The following FUS variants were observed in gnomAD, a reference collection of about 807,000 sequenced individuals.
The protein encoded by FUS is FUS RNA binding protein, also known as RNA-binding protein FUS.
A neutral mutation model predicts 82.7 loss-of-function variants in FUS; 5 were observed. The ratio of observed to expected loss-of-function variants is 0.06; its 90% CI spans 0.03 to 0.13. The LOEUF (loss-of-function observed/expected upper bound fraction) is 0.13, where lower values mean the gene tolerates loss of function less well. Among genes scored for constraint, FUS ranks in the 10% least tolerant of loss-of-function variants. FUS has a pLI of 1.00. For missense variants in FUS, 512 were observed against 707.8 expected, an observed-to-expected ratio of 0.72 and a Z score of 3.14; for synonymous variants, 281 against 247.4, an observed-to-expected ratio of 1.14 and a Z score of -1.27.
At chr16:31,182,479 G>A in intron 2 of FUS, 34 bp from the exon 3 acceptor site, 1 of 1,614,164 alleles carries the variant, frequency 6.2e-7, no homozygotes, top group Non-Finnish European at 8.5e-7. Flanking sequence ...GTCACGCCAT[G>A]TTTTCTGATC....
chr16:31,188,883 C>T (rs193153381), intron 8 of FUS: 4 of 552,908 alleles, frequency 7.2e-6, no homozygotes, highest in Non-Finnish European at 9.7e-6. Context: ...ACTCCTGAGC[C>T]CTGGTTTCCA....
At chr16:31,193,341 T>A (rs774175056), downstream of FUS, 20 of 524,240 alleles carry the variant, frequency 3.8e-5, no homozygotes, top group Non-Finnish European at 2.6e-5. Context: ...CAGGCATTGC[T>A]TTGACTTAGT....
At position 31,188,540 on chromosome 16, in the gene FUS, G is replaced by C. The variant is rs941744534; in HGVS notation, c.832+183G>C. 7 of 703,190 alleles carry C rather than the reference G, an allele frequency of 1.0e-5. No individual in the cohort carries two copies. In the East Asian group the frequency reaches 1.5e-4, roughly 15 times the overall value. 43.6% of individuals were successfully genotyped at this position (703,190 alleles called of 1,614,324 possible). ...TACGAAGTATTTCTCAGAAATACCT[G>C]GCTTGTGGGTTCCACCCCCAGTGAT... On this transcript the variant is annotated intron_variant, in intron 8 of 14. Transcript: ENST00000254108.
Position 31,184,230 on chromosome 16 carries a change from C to T in FUS, c.357C>T (p.Ser119=), listed in dbSNP as rs1367078201. The change falls in exon 5 of 15, where the codon AGC becomes AGT. Residue 119 remains serine (S), a synonymous_variant. Coordinates refer to ENST00000254108, the MANE Select transcript of FUS (RefSeq NM_004960.4). ...CTAGTTACGGTAGCAGTTCTCAGAG[C>T]AGCAGCTATGGGCAGCCCCAGAGTG... The part of the protein sequence containing the change: ...TSGSYGSSSQ[S]SSYGQPQSGS... The T allele has an allele frequency of 3.1e-6, 5 of 1,614,120 alleles. No homozygotes were observed. Among genetic ancestry groups the T allele is most frequent in the East Asian group, 2.2e-5 (1 of 44,882 alleles).
chr16:31,182,692 TC>T, intron 3 of FUS, 28 bp downstream of exon 3: 1 of 1,613,906 alleles, frequency 6.2e-7, no homozygotes, highest in Non-Finnish European at 8.5e-7. Flanking sequence ...GGTCACCTCT[TC>T]CTACTCTTTC....
At chr16:31,185,602 C>T (rs969438828) in intron 6 of FUS, 7 of 512,348 alleles carry the variant, frequency 1.4e-5, no homozygotes, top group Non-Finnish European at 2.3e-5. Flanking sequence ...TAATGGTTAA[C>T]CTGACTTCAG....
rs754311161 is a variant in FUS, at chr16:31,180,240, G to A, written c.13+13G>A. 2 of 1,608,956 alleles carry A rather than the reference G, an allele frequency of 1.2e-6. No individual in the cohort carries two copies. Among genetic ancestry groups the A allele is most frequent in the Non-Finnish European group, 1.7e-6 (2 of 1,177,838 alleles). ...ATGGCCTCAAACGGTAGGTAAGGGC[G>A]CGAGGCGACGGCGGCGGCGCACCCG... On this transcript the variant is annotated intron_variant, in intron 1 of 14. Transcript: ENST00000254108.
chr16:31,186,861 TC>T (rs894330365), intron 7 of FUS, 25 bp downstream of exon 7: 3 of 1,602,058 alleles, frequency 1.9e-6, no homozygotes, highest in Admixed American at 1.7e-5. Flanking sequence ...TTTCCAAAAT[TC>T]CCAACTCCCA....
rs2079346689 is a variant in FUS, at chr16:31,190,947, GT to G, written c.1394-13del. ...GGGGAATGGGAATATGATAGATCTT[GT>G]TTCTTTTGTCCTAGGGGGTAACTAC... is the stretch of plus-strand genomic sequence containing the variant. On this transcript the variant is annotated splice_polypyrimidine_tract_variant and intron_variant, in intron 13 of 14. Coordinates refer to ENST00000254108, the MANE Select transcript of FUS (RefSeq NM_004960.4). The G allele has an allele frequency of 5.6e-6, 9 of 1,610,706 alleles. No homozygotes were observed. Among genetic ancestry groups the G allele is most frequent in the Non-Finnish European group, 6.8e-6 (8 of 1,177,596 alleles).
rs917585810 is a variant in FUS at position 31,184,431 on chromosome 16, T to C, written c.523+35T>C. On this transcript the variant is annotated intron_variant, in intron 5 of 14. Transcript: ENST00000254108. ...CTTCAGCTTTGTCTGCAGCCCATTT[T>C]CTTTTTCTTTTTTTTTTTTTTTTTG... 3 of 1,559,968 alleles carry C rather than the reference T, an allele frequency of 1.9e-6. No individual in the cohort carries two copies. In the African/African-American group the frequency reaches 4.2e-5, roughly 22 times the overall value.
At chr16:31,180,630 T>G (rs1053877234) in intron 1 of FUS, among the ~76,000 whole-genome samples, 2 of 152,052 alleles carry the variant, frequency 1.3e-5, no homozygotes, top group South Asian at 2.1e-4. Flanking sequence ...TGCGGGCCCC[T>G]CCCCCTTCGC....
intron 1 of FUS, among the ~76,000 whole-genome samples, chr16:31,182,045 A>G (rs2079187037): frequency 6.6e-6 from 1 of 151,462 alleles, no homozygotes; most frequent in African/African-American, 2.4e-5. Context: ...CTCTGTTGCC[A>G]GGCTGGAGTG....
Position 31,183,923 on chromosome 16 carries a change from A to G in FUS, c.256A>G (p.Ser86Gly). ...GSTGGYGSSQ[S>G]SQSSYGQQSS... The stretch of plus-strand genomic sequence containing the variant: ...GACTGGCGGCTATGGCAGTAGCCAG[A>G]GCTCCCAATCGTCTTACGGGCAGCA... The change falls in exon 4 of 15, where the codon AGC becomes GGC. Residue 86 changes from serine to glycine, a missense_variant. Around this residue, in one of 6 missense-constraint regions of FUS, gnomAD observed 276 missense variants for 303.3 expected, o/e 0.91. Transcript: ENST00000254108. 1 of 1,613,834 alleles carries G rather than the reference A, an allele frequency of 6.2e-7. No individual in the cohort carries two copies. Among genetic ancestry groups the G allele is most frequent in the Non-Finnish European group, 8.5e-7 (1 of 1,179,782 alleles).
At chr16:31,187,913 A>C in intron 7 of FUS, 1 of 272,452 alleles carries the variant, frequency 3.7e-6, no homozygotes. Context: ...GTTGGGAGAA[A>C]CTGGATGGAT....
At position 31,188,241 on chromosome 16, in the gene FUS, T is replaced by A. The variant is rs2144126488; in HGVS notation, c.800-84T>A. The A allele has an allele frequency of 2.8e-6, 4 of 1,440,764 alleles. No homozygotes were observed. The East Asian group carries it at 9.1e-5, about 33-fold the overall frequency. 89.2% of individuals were successfully genotyped at this position (1,440,764 alleles called of 1,614,324 possible). On this transcript the variant is annotated intron_variant, in intron 7 of 14. Transcript: ENST00000254108. ...TTGGATTTGGTGTTAATTTTTTTCC[T>A]TGTCCGTTTTTTCCTGTTGACTAAC... is the stretch of plus-strand genomic sequence containing the variant.
intron 3 of FUS, chr16:31,182,987 G>A: frequency 2.6e-6 from 1 of 385,734 alleles, no homozygotes; most frequent in Non-Finnish European, 5.0e-6. Context: ...GGGATTACAG[G>A]CGTCAGCCAC....
At chr16:31,183,581 A>C in intron 3 of FUS, 1 of 474,612 alleles carries the variant, frequency 2.1e-6, no homozygotes, top group Non-Finnish European at 3.9e-6. Context: ...AGTGCTGTTA[A>C]CAGGGATCCT....
rs1301180808 is a variant in FUS at position 31,190,952 on chromosome 16, T to G, written c.1394-11T>G. The G allele has an allele frequency of 6.2e-7, 1 of 1,610,590 alleles. No individual in the cohort carries two copies. Among genetic ancestry groups the G allele is most frequent in the South Asian group, 1.1e-5 (1 of 90,972 alleles). ...ATGGGAATATGATAGATCTTGTTTC[T>G]TTTGTCCTAGGGGGTAACTACGGGG... On this transcript the variant is annotated splice_polypyrimidine_tract_variant and intron_variant, in intron 13 of 14. Transcript: ENST00000254108.
downstream of FUS, chr16:31,194,286 C>CT (rs2079396175): frequency 1.9e-6 from 1 of 528,070 alleles, no homozygotes; most frequent in South Asian, 1.5e-5. Flanking sequence ...CAGTCTCATC[C>CT]TTTTTAAATT....
Sources: gnomAD v4.1 joint callset for allele counts (sites outside exome capture counted in the v4.1 genomes callset) on GRCh38, gnomAD v4.1.1 for gene constraint, gnomAD v4.1.1 regional missense constraint, MANE v1.5 for transcripts, NCBI Gene and HGNC (gene_info 2026-07-23, HGNC 2026-07-21) for gene names.